Variants in AFG2A observed in about 807,000 individuals in gnomAD.
AFG2A encodes the protein AAA ATPase AFG2A, also known as ATPase family gene 2 protein homolog A.
the AFG2A span, among the ~76,000 whole-genome samples, chr4:123,299,117 A>ATGTGTGTGTGTGTGTGTGTGTGTG: frequency 9.5e-5 from 14 of 147,220 alleles, no homozygotes; most frequent in African/African-American, 3.2e-4. Flanking sequence ...GCATCTGCCA[A>ATGTGTGTGTGTGTGTGTGTGTGTG]TGTGTGTGTG....
the AFG2A span, among the ~76,000 whole-genome samples, chr4:123,291,275 T>A: frequency 2.0e-5 from 3 of 152,184 alleles, no homozygotes; most frequent in Non-Finnish European, 4.4e-5. Context: ...CACCAGTCAG[T>A]ATCTTTTAAT....
chr4:122,935,226 C>G, the AFG2A span, among the ~76,000 whole-genome samples: 3 of 152,030 alleles, frequency 2.0e-5, no homozygotes, highest in African/African-American at 7.2e-5. Flanking sequence ...TGCTTTTTTC[C>G]TTTCTCATAA....
the AFG2A span, among the ~76,000 whole-genome samples, chr4:123,248,937 T>G: frequency 6.6e-6 from 1 of 152,198 alleles, no homozygotes; most frequent in Non-Finnish European, 1.5e-5. Flanking sequence ...TAATAGCATT[T>G]AATACTTACT....
the AFG2A span, chr4:122,979,112 C>A: frequency 1.7e-6 from 2 of 1,210,796 alleles, no homozygotes; most frequent in Non-Finnish European, 2.3e-6. Context: ...CTGGCCACGC[C>A]TCCCCCACTG....
At chr4:123,194,941 A>G in the AFG2A span, among the ~76,000 whole-genome samples, 1 of 152,228 alleles carries the variant, frequency 6.6e-6, no homozygotes, top group Non-Finnish European at 1.5e-5. Flanking sequence ...AATAGCAAAT[A>G]AAGAAAATAA....
At chr4:122,993,884 G>GTATA in the AFG2A span, among the ~76,000 whole-genome samples, 6 of 151,760 alleles carry the variant, frequency 4.0e-5, no homozygotes, top group Non-Finnish European at 8.8e-5. Context: ...AGATAAAAGG[G>GTATA]TATAGCTGGG....
the AFG2A span, among the ~76,000 whole-genome samples, chr4:123,263,377 A>G: frequency 2.0e-5 from 3 of 152,198 alleles, no homozygotes; most frequent in African/African-American, 7.2e-5. Flanking sequence ...TTACATCTGT[A>G]CAAGGTGTCT....
chr4:123,274,131 A>T, the AFG2A span, among the ~76,000 whole-genome samples: 92 of 152,224 alleles, frequency 6.0e-4, no homozygotes, highest in African/African-American at 2.0e-3. Flanking sequence ...GTGTATTCTT[A>T]AAGGGTTTCC....
chr4:123,251,509 C>G, the AFG2A span, among the ~76,000 whole-genome samples: 1 of 152,038 alleles, frequency 6.6e-6, no homozygotes, highest in Non-Finnish European at 1.5e-5. Context: ...ATTGTACGAC[C>G]TTGGGCCTCA....
chr4:123,143,948 G>C, the AFG2A span, among the ~76,000 whole-genome samples: 4 of 151,412 alleles, frequency 2.6e-5, no homozygotes, highest in Non-Finnish European at 5.9e-5. Context: ...TGTTTTGTAA[G>C]GGCTATATAA....
the AFG2A span, among the ~76,000 whole-genome samples, chr4:123,300,183 T>C: frequency 1.3e-5 from 2 of 152,188 alleles, no homozygotes; most frequent in African/African-American, 4.8e-5. Flanking sequence ...TTAAGTTTGA[T>C]AGTACATTAA....
the AFG2A span, among the ~76,000 whole-genome samples, chr4:123,091,331 G>A: frequency 6.6e-6 from 1 of 152,118 alleles, no homozygotes; most frequent in Non-Finnish European, 1.5e-5. Flanking sequence ...ACAAAGGAAA[G>A]CTTTTATTTA....
At chr4:122,925,140 TC>T in the AFG2A span, among the ~76,000 whole-genome samples, 1 of 151,766 alleles carries the variant, frequency 6.6e-6, no homozygotes, top group Admixed American at 6.6e-5. Context: ...TCCATGACTC[TC>T]CCCCCCATAT....
chr4:122,928,497 G>T, the AFG2A span, among the ~76,000 whole-genome samples: 1 of 152,148 alleles, frequency 6.6e-6, no homozygotes, highest in South Asian at 2.1e-4. Context: ...TCTGGCTTAT[G>T]CTTTAAAGGT....
At chr4:123,141,607 AG>A in the AFG2A span, among the ~76,000 whole-genome samples, 1 of 152,218 alleles carries the variant, frequency 6.6e-6, no homozygotes, top group Non-Finnish European at 1.5e-5. Context: ...GATGTTCAGT[AG>A]GGTAGGTATG....
chr4:123,093,538 T>C, the AFG2A span, among the ~76,000 whole-genome samples: 1 of 152,174 alleles, frequency 6.6e-6, no homozygotes, highest in African/African-American at 2.4e-5. Flanking sequence ...CTTTGCCCCA[T>C]GTGGACTAGA....
At chr4:123,023,852 C>T in the AFG2A span, among the ~76,000 whole-genome samples, 2 of 151,914 alleles carry the variant, frequency 1.3e-5, no homozygotes, top group Admixed American at 6.6e-5. Context: ...GAACAGGCGC[C>T]GAGTTGTCAC....
chr4:123,070,349 T>C, the AFG2A span, among the ~76,000 whole-genome samples: 1 of 152,160 alleles, frequency 6.6e-6, no homozygotes, highest in Non-Finnish European at 1.5e-5. Flanking sequence ...CTAGATCCTT[T>C]ATATGTTTTA....
the AFG2A span, among the ~76,000 whole-genome samples, chr4:123,131,891 C>T: frequency 0.046 from 2,847 of 62,118 alleles, 64 homozygotes; most frequent in South Asian, 0.19. Flanking sequence ...TTTTGAATAA[C>T]TGCCATACTA....
Sources: allele counts gnomAD v4.1 joint callset (sites outside exome capture counted in the v4.1 genomes callset), GRCh38; gene constraint gnomAD v4.1.1; transcripts MANE v1.5; gene names NCBI Gene and HGNC (gene_info 2026-07-23, HGNC 2026-07-21).